The following ROBO2 variants were observed in gnomAD, a reference collection of about 807,000 sequenced individuals.
ROBO2 encodes roundabout homolog 2.
A neutral mutation model predicts 160.8 loss-of-function variants in ROBO2; 53 were observed. That is an observed-to-expected ratio of 0.33 (90% CI 0.26 to 0.41). ROBO2 has a LOEUF of 0.41. ROBO2 is among the 10% of genes least tolerant of loss of function. The pLI is 1.00. For synonymous variants in ROBO2, 664 were observed against 611.7 expected, an observed-to-expected ratio of 1.09 and a Z score of -1.26; for missense variants, 1,577 against 1,722.4, an observed-to-expected ratio of 0.92 and a Z score of 1.49.
At chr3:76,105,117 G>A (rs1452389979) in intron 2 of ROBO2, among the ~76,000 whole-genome samples, 3 of 151,576 alleles carry the variant, frequency 2.0e-5, no homozygotes, top group Non-Finnish European at 2.9e-5. Flanking sequence ...ACACCCTTGT[G>A]CTTCTTTTAA....
At chr3:76,015,221 A>C (rs2066372907) in intron 2 of ROBO2, among the ~76,000 whole-genome samples, 1 of 152,230 alleles carries the variant, frequency 6.6e-6, no homozygotes. Flanking sequence ...ACATATAAAA[A>C]CATACCTTTC....
intron 13 of ROBO2, among the ~76,000 whole-genome samples, chr3:77,574,002 C>T (rs2093701116): frequency 6.6e-6 from 1 of 152,028 alleles, no homozygotes; most frequent in African/African-American, 2.4e-5. Context: ...AGCAGAATTT[C>T]TGGCACCTAT....
chr3:77,185,585 T>C (rs2081206032), intron 2 of ROBO2, among the ~76,000 whole-genome samples: 1 of 151,894 alleles, frequency 6.6e-6, no homozygotes, highest in Non-Finnish European at 1.5e-5. Flanking sequence ...GTACACCCAT[T>C]ATGGAAAACA....
At chr3:76,679,481 T>C (rs1042828401) in intron 2 of ROBO2, among the ~76,000 whole-genome samples, 1 of 152,136 alleles carries the variant, frequency 6.6e-6, no homozygotes, top group African/African-American at 2.4e-5. Flanking sequence ...TTCTATGTAG[T>C]TATATAAATA....
At chr3:76,001,422 G>T (rs601333) in intron 2 of ROBO2, among the ~76,000 whole-genome samples, 138,192 of 152,108 alleles carry the variant, frequency 0.91, 63,834 homozygotes, top group East Asian at 1. Context: ...CAGTGTCACT[G>T]AGATCTCACT....
intron 2 of ROBO2, among the ~76,000 whole-genome samples, chr3:76,239,130 A>G (rs887049047): frequency 2.0e-5 from 3 of 152,170 alleles, no homozygotes; most frequent in Non-Finnish European, 4.4e-5. Context: ...TGTGAAAACC[A>G]CCGCTATAAT....
At chr3:75,977,907 T>G (rs1173511914) in intron 2 of ROBO2, among the ~76,000 whole-genome samples, 1 of 151,550 alleles carries the variant, frequency 6.6e-6, no homozygotes, top group Non-Finnish European at 1.5e-5. Context: ...TGCTTTAACA[T>G]TTTCTCATTG....
At chr3:76,587,831 C>CA (rs1237326107) in intron 2 of ROBO2, among the ~76,000 whole-genome samples, 1 of 152,176 alleles carries the variant, frequency 6.6e-6, no homozygotes, top group Non-Finnish European at 1.5e-5. Flanking sequence ...TACTCATTCT[C>CA]CCTTTCCATC....
chr3:76,628,599 C>T (rs965779357), intron 2 of ROBO2, among the ~76,000 whole-genome samples: 3 of 152,010 alleles, frequency 2.0e-5, no homozygotes, highest in African/African-American at 7.3e-5. Context: ...TCATTTCATG[C>T]CTCTCTGAAA....
At chr3:76,641,419 A>G (rs370612262) in intron 2 of ROBO2, among the ~76,000 whole-genome samples, 18 of 152,306 alleles carry the variant, frequency 1.2e-4, no homozygotes, top group African/African-American at 3.6e-4. Context: ...TATCATGTAA[A>G]TCCAACTTAA....
intron 2 of ROBO2, among the ~76,000 whole-genome samples, chr3:77,387,642 GAA>G (rs533585196): frequency 7.3e-6 from 1 of 137,374 alleles, no homozygotes; most frequent in African/African-American, 2.7e-5. Flanking sequence ...TCTACCAAAA[GAA>G]AAAAAAAAAA....
intron 4 of ROBO2, among the ~76,000 whole-genome samples, chr3:77,490,948 T>C (rs761312932): frequency 6.6e-6 from 1 of 152,222 alleles, no homozygotes; most frequent in Non-Finnish European, 1.5e-5. Flanking sequence ...TAATTTATCT[T>C]TCACAGACAT....
At chr3:77,020,257 C>G (rs546679209) in intron 2 of ROBO2, among the ~76,000 whole-genome samples, 2 of 152,036 alleles carry the variant, frequency 1.3e-5, no homozygotes, top group Non-Finnish European at 2.9e-5. Context: ...ACAGACAAAG[C>G]AGTAAAAACT....
intron 2 of ROBO2, among the ~76,000 whole-genome samples, chr3:76,370,861 T>C (rs1241189921): frequency 6.6e-6 from 1 of 151,958 alleles, no homozygotes; most frequent in Non-Finnish European, 1.5e-5. Flanking sequence ...CTAGTGTTTA[T>C]TCTAGCCAGG....
intron 2 of ROBO2, among the ~76,000 whole-genome samples, chr3:76,950,874 A>G (rs1022438368): frequency 1.3e-5 from 2 of 152,084 alleles, no homozygotes; most frequent in Non-Finnish European, 2.9e-5. Context: ...CTACAGGTGC[A>G]CACCACCACA....
At chr3:76,750,814 G>T (rs2108224701) in intron 2 of ROBO2, among the ~76,000 whole-genome samples, 1 of 152,184 alleles carries the variant, frequency 6.6e-6, no homozygotes, top group East Asian at 1.9e-4. Flanking sequence ...ACAAATGGAA[G>T]AACATTCCAT....
chr3:77,410,743 T>TCTCCTCCTCCTC (rs2076724877), intron 2 of ROBO2, among the ~76,000 whole-genome samples: 1 of 29,590 alleles, frequency 3.4e-5, no homozygotes, highest in East Asian at 1.1e-3. Context: ...TCCTCCTCCT[T>TCTCCTCCTCCTC]TTCCTCCTCC....
rs1578481982 is a variant in ROBO2 at position 76,605,882 on chromosome 3, C to G, written c.110-492132C>G. 5.9e-5 allele frequency among the ~76,000 whole-genome samples: 9 copies of G among 152,238 alleles called. 1 individual carries two copies. In the South Asian group the frequency reaches 1.9e-3, roughly 32 times the overall value. ...TTTGCTTCATTACAGAGAACCTTAA[C>G]TTAATTAGGACTGTCCAGCAGTAGA... On this transcript the variant is annotated intron_variant, in intron 2 of 26. Transcript: ENST00000487694.
chr3:76,793,865 T>C (rs933141835), intron 2 of ROBO2, among the ~76,000 whole-genome samples: 1 of 151,992 alleles, frequency 6.6e-6, no homozygotes, highest in Non-Finnish European at 1.5e-5. Flanking sequence ...TGTAGTGTTC[T>C]AATTCTGTCC....
Sources: allele counts gnomAD v4.1 joint callset (sites outside exome capture counted in the v4.1 genomes callset), GRCh38; gene constraint gnomAD v4.1.1; transcripts MANE v1.5; gene names NCBI Gene and HGNC (gene_info 2026-07-23, HGNC 2026-07-21).